CSMD1: variants seen among roughly 807,000 people sequenced by gnomAD.
CSMD1 encodes the protein CUB and Sushi multiple domains 1.
A neutral mutation model predicts 417.5 loss-of-function variants in CSMD1; 213 were observed. That is an observed-to-expected ratio of 0.51 (90% CI 0.46 to 0.57). The LOEUF (loss-of-function observed/expected upper bound fraction) is 0.57, where lower values mean the gene tolerates loss of function less well. Ranked by LOEUF, CSMD1 falls within the 20% of genes least tolerant of loss-of-function variation. The pLI is 0.00. For missense variants in CSMD1, 6,923 were observed against 4,529.7 expected, an observed-to-expected ratio of 1.53 and a Z score of -15.17; for synonymous variants, 2,862 against 1,736.8, an observed-to-expected ratio of 1.65 and a Z score of -16.11.
At chr8:4,616,716 T>C (rs998038970) in intron 2 of CSMD1, among the ~76,000 whole-genome samples, 5 of 152,278 alleles carry the variant, frequency 3.3e-5, no homozygotes, top group Middle Eastern at 3.4e-3. Context: ...ACTTATCCAA[T>C]GGTGATGATC....
At chr8:4,898,562 A>G (rs1441994485) in intron 1 of CSMD1, among the ~76,000 whole-genome samples, 1 of 152,194 alleles carries the variant, frequency 6.6e-6, no homozygotes, top group Non-Finnish European at 1.5e-5. Context: ...TCCAAGGGTG[A>G]GCATGGCTCA....
At position 4,398,675 on chromosome 8, in the gene CSMD1, A is replaced by G. The variant is rs149271035; in HGVS notation, c.415+21278T>C. Among the ~76,000 whole-genome samples the G allele has an allele frequency of 7.5e-3, 1,135 of 152,248 alleles. 10 individuals carry two copies. The highest frequency in any genetic ancestry group is 0.024 in the African/African-American group (988 of 41,546). ...CTCCCAAAGTGCTGGGATTACAGGC[A>G]TGAGCCATCACACCCGGCCACTCTG... is the stretch of plus-strand genomic sequence containing the variant. On this transcript the variant is annotated intron_variant, in intron 3 of 69. Transcript: ENST00000635120.
chr8:4,314,888 A>C (rs1231258789), intron 3 of CSMD1, among the ~76,000 whole-genome samples: 1 of 152,172 alleles, frequency 6.6e-6, no homozygotes, highest in African/African-American at 2.4e-5. Context: ...GTTGGAGTGA[A>C]GAACATAATT....
chr8:2,995,049 G>C (rs1806758348), intron 54 of CSMD1, among the ~76,000 whole-genome samples: 1 of 152,142 alleles, frequency 6.6e-6, no homozygotes, highest in Admixed American at 6.5e-5. Flanking sequence ...AAAAAGAAAA[G>C]ACGATGAATT....
intron 2 of CSMD1, among the ~76,000 whole-genome samples, chr8:4,524,602 T>A (rs1307144733): frequency 6.7e-6 from 1 of 149,758 alleles, no homozygotes; most frequent in African/African-American, 2.5e-5. Flanking sequence ...TGGTTTGGGT[T>A]TTTCAGTGCC....
chr8:3,914,303 T>A (rs1170880884), intron 5 of CSMD1, among the ~76,000 whole-genome samples: 1 of 151,810 alleles, frequency 6.6e-6, no homozygotes, highest in African/African-American at 2.4e-5. Flanking sequence ...TAGCTCATGG[T>A]TTTTAAGAAC....
rs189798034 is a variant in CSMD1, at chr8:4,321,489, A to T, written c.415+98464T>A. ...TTAATTCCTCAGTGATGCAAGTTAG[A>T]CAAACAAACCCACAGCAGAGGGATG... On this transcript the variant is annotated intron_variant, in intron 3 of 69. Transcript: ENST00000635120. Among the ~76,000 whole-genome samples the T allele has an allele frequency of 1.8e-3, 280 of 152,280 alleles. 2 individuals are homozygous for T. Among genetic ancestry groups the T allele is most frequent in the Non-Finnish European group, 1.8e-3 (123 of 68,026 alleles).
intron 1 of CSMD1, among the ~76,000 whole-genome samples, chr8:4,927,339 T>C (rs1806939049): frequency 6.6e-6 from 1 of 152,082 alleles, no homozygotes; most frequent in African/African-American, 2.4e-5. Flanking sequence ...ATTACAGGTA[T>C]GAGCCACCAC....
chr8:4,133,079 G>C (rs940262639), intron 3 of CSMD1, among the ~76,000 whole-genome samples: 1 of 152,052 alleles, frequency 6.6e-6, no homozygotes, highest in Non-Finnish European at 1.5e-5. Flanking sequence ...GGGACTACAG[G>C]TGTACGCCAC....
chr8:4,559,151 G>T (rs1245356780), intron 2 of CSMD1, among the ~76,000 whole-genome samples: 1 of 152,182 alleles, frequency 6.6e-6, no homozygotes, highest in Non-Finnish European at 1.5e-5. Context: ...TTGGAATCAA[G>T]ATCTGGTCTT....
At chr8:3,018,830 T>A (rs1485609914) in intron 51 of CSMD1, among the ~76,000 whole-genome samples, 180 bp from the exon 52 acceptor site, 10 of 152,194 alleles carry the variant, frequency 6.6e-5, no homozygotes, top group African/African-American at 2.2e-4. Flanking sequence ...TTAAGAAGCT[T>A]AATTTTCCAT....
rs573550447 is a variant in CSMD1 at position 4,527,483 on chromosome 8, G to C, written c.303-107418C>G. Among the ~76,000 whole-genome samples, 17 of 152,298 alleles carry C rather than the reference G, an allele frequency of 1.1e-4. No homozygotes were observed. In the East Asian group the frequency reaches 2.7e-3, roughly 24 times the overall value. Reference sequence around the variant, plus strand: ...TGTTTGCAAAGTTGGTGAGTTGTCAGTGTCAAGATATAAAGAATGAGTATC... The same window carrying C: ...TGTTTGCAAAGTTGGTGAGTTGTCACTGTCAAGATATAAAGAATGAGTATC... On this transcript the variant is annotated intron_variant, in intron 2 of 69. Transcript: ENST00000635120.
chr8:4,939,861 G>A (rs1807867823), intron 1 of CSMD1, among the ~76,000 whole-genome samples: 1 of 152,252 alleles, frequency 6.6e-6, no homozygotes, highest in South Asian at 2.1e-4. Flanking sequence ...AAGCTCCACT[G>A]AGCAATTCCA....
At chr8:3,652,472 C>T (rs980495469) in intron 7 of CSMD1, among the ~76,000 whole-genome samples, 1 of 152,230 alleles carries the variant, frequency 6.6e-6, no homozygotes, top group African/African-American at 2.4e-5. Flanking sequence ...CTAATAAAGA[C>T]ATACCTGAGA....
intron 10 of CSMD1, among the ~76,000 whole-genome samples, chr8:3,542,962 A>G (rs1198995500): frequency 6.6e-6 from 1 of 152,014 alleles, no homozygotes; most frequent in Non-Finnish European, 1.5e-5. Context: ...GGCAGTGAAT[A>G]TGGGGCTCCT....
chr8:3,540,119 G>A (rs901400511), intron 10 of CSMD1, among the ~76,000 whole-genome samples: 2 of 152,084 alleles, frequency 1.3e-5, no homozygotes, highest in Non-Finnish European at 2.9e-5. Context: ...CTTGTTTACG[G>A]TCACAGTTTC....
Position 4,006,030 on chromosome 8 carries a change from G to A in CSMD1, c.611-7920C>T, listed in dbSNP as rs958538157. Among the ~76,000 whole-genome samples the A allele has an allele frequency of 2.0e-5, 3 of 152,052 alleles. No homozygotes were observed. In the East Asian group the frequency reaches 5.8e-4, roughly 29 times the overall value. ...TTCTGAAAACACAATATTTAGGACAGATTTGAAAAAAAGGAACTATTCAAG... is the reference window on the plus strand; with the variant it reads ...TTCTGAAAACACAATATTTAGGACAAATTTGAAAAAAAGGAACTATTCAAG... On this transcript the variant is annotated intron_variant, in intron 4 of 69. Coordinates refer to ENST00000635120, the MANE Select transcript of CSMD1 (RefSeq NM_033225.6).
chr8:4,284,566 T>C (rs1051156207), intron 3 of CSMD1, among the ~76,000 whole-genome samples: 13 of 152,268 alleles, frequency 8.5e-5, no homozygotes, highest in African/African-American at 3.1e-4. Flanking sequence ...CCAACGTTTA[T>C]TGGGCAGTCT....
intron 23 of CSMD1, among the ~76,000 whole-genome samples, chr8:3,317,143 G>A (rs1052619722): frequency 1.3e-5 from 2 of 152,008 alleles, no homozygotes; most frequent in African/African-American, 2.4e-5. Context: ...GGTGAGGGAG[G>A]AAGAGGAGAA....
Sources: gnomAD v4.1 joint callset for allele counts (sites outside exome capture counted in the v4.1 genomes callset) on GRCh38, gnomAD v4.1.1 for gene constraint, MANE v1.5 for transcripts, NCBI Gene and HGNC (gene_info 2026-07-23, HGNC 2026-07-21) for gene names.